SLIT2: variants seen among roughly 807,000 people sequenced by gnomAD.
The protein encoded by SLIT2 is slit guidance ligand 2, also known as slit homolog 2 protein.
A neutral mutation model predicts 185.7 loss-of-function variants in SLIT2; 41 were observed. That is an observed-to-expected ratio of 0.22 (90% CI 0.17 to 0.29). SLIT2 has a LOEUF of 0.29. SLIT2 is among the 10% of genes least tolerant of loss of function. The pLI, the probability that SLIT2 is intolerant of heterozygous loss-of-function variation, is 1.00. For missense variants in SLIT2, 1,571 were observed against 1,909.0 expected (o/e 0.82, Z 3.30); for synonymous variants, 693 against 680.2 (o/e 1.02, Z -0.29).
At chr4:20,322,093 G>T (rs949576485) in intron 4 of SLIT2, among the ~76,000 whole-genome samples, 4 of 152,120 alleles carry the variant, frequency 2.6e-5, no homozygotes, top group African/African-American at 9.7e-5. Flanking sequence ...CTCAGTACAG[G>T]CCAGCCAGAT....
intron 34 of SLIT2, among the ~76,000 whole-genome samples, chr4:20,610,510 T>A (rs1417598445): frequency 1.3e-5 from 2 of 152,290 alleles, no homozygotes; most frequent in East Asian, 3.9e-4. Flanking sequence ...TGGTTAGAGA[T>A]TAAATCATAC....
chr4:20,522,258 T>C (rs1720905990), intron 12 of SLIT2, among the ~76,000 whole-genome samples: 1 of 152,178 alleles, frequency 6.6e-6, no homozygotes, highest in Admixed American at 6.5e-5. Flanking sequence ...AAAACTGTCC[T>C]GTATGTGTTT....
At chr4:20,256,893 T>C (rs1010367230) in intron 2 of SLIT2, 150 bp downstream of exon 2, 3 of 493,136 alleles carry the variant, frequency 6.1e-6, no homozygotes, top group Admixed American at 4.1e-5. Context: ...ATCATTGTAC[T>C]ACAACATTTA....
chr4:20,391,249 A>C (rs190964809), intron 4 of SLIT2, among the ~76,000 whole-genome samples: 3 of 152,204 alleles, frequency 2.0e-5, no homozygotes, highest in South Asian at 2.1e-4. Flanking sequence ...TTAAAAGTGC[A>C]TCAGCCACAA....
chr4:20,495,342 A>G (rs1326018831), intron 9 of SLIT2, among the ~76,000 whole-genome samples: 5 of 152,160 alleles, frequency 3.3e-5, no homozygotes, highest in South Asian at 2.1e-4. Flanking sequence ...TGAGAGTTAT[A>G]TAAGATACAT....
chr4:20,457,884 A>G (rs1417774541), intron 4 of SLIT2, among the ~76,000 whole-genome samples: 10 of 152,178 alleles, frequency 6.6e-5, no homozygotes, highest in Admixed American at 3.9e-4. Flanking sequence ...CAAGGAATAG[A>G]TCGGAGCATT....
chr4:20,439,220 T>G (rs539761229), intron 4 of SLIT2, among the ~76,000 whole-genome samples: 1 of 152,296 alleles, frequency 6.6e-6, no homozygotes, highest in African/African-American at 2.4e-5. Flanking sequence ...CACATAGAGG[T>G]GAAATGCCTT....
intron 21 of SLIT2, 31 bp from the exon 22 acceptor site, chr4:20,546,000 T>G: frequency 7.8e-7 from 1 of 1,282,558 alleles, no homozygotes; most frequent in Non-Finnish European, 1.1e-6. Flanking sequence ...CATTACTTTG[T>G]AAGAAGATAA....
intron 23 of SLIT2, 45 bp from the exon 24 acceptor site, chr4:20,549,012 T>G: frequency 8.6e-7 from 1 of 1,158,526 alleles, no homozygotes; most frequent in Non-Finnish European, 1.3e-6. Context: ...ATTTGGCCAT[T>G]TTTGGATTTC....
At chr4:20,399,906 A>G (rs895689422) in intron 4 of SLIT2, among the ~76,000 whole-genome samples, 5 of 151,886 alleles carry the variant, frequency 3.3e-5, no homozygotes, top group Middle Eastern at 3.4e-3. Flanking sequence ...AGCATTCAGA[A>G]GATGCATCAG....
chr4:20,432,312 G>T (rs989479191), intron 4 of SLIT2, among the ~76,000 whole-genome samples: 1 of 152,114 alleles, frequency 6.6e-6, no homozygotes, highest in African/African-American at 2.4e-5. Flanking sequence ...TGACTAATAG[G>T]ATTAGGGGCG....
chr4:20,518,206 T>C (rs948342889), intron 11 of SLIT2, among the ~76,000 whole-genome samples: 3 of 143,762 alleles, frequency 2.1e-5, no homozygotes, highest in African/African-American at 7.7e-5. Flanking sequence ...CATATACATA[T>C]ATTTATATAT....
intron 1 of SLIT2, chr4:20,255,142 G>C (rs1343376977): frequency 9.2e-6 from 4 of 434,178 alleles, no homozygotes; most frequent in Non-Finnish European, 1.8e-5. Flanking sequence ...TAGGCCGGCA[G>C]GGGCCAGCGC....
intron 4 of SLIT2, among the ~76,000 whole-genome samples, chr4:20,315,905 T>A (rs1718535825): frequency 6.6e-6 from 1 of 152,078 alleles, no homozygotes; most frequent in Non-Finnish European, 1.5e-5. Context: ...TTAATTCATA[T>A]TTATGATATT....
rs181400792 is a variant in SLIT2, at chr4:20,600,150, T to A, written c.3692+1755T>A. ...TCAGAAATTTGTGGTTCATTTTTTT[T>A]AATTTTTTTTTAATTTATTTTATGT... On this transcript the variant is annotated intron_variant, in intron 33 of 36. Transcript: ENST00000504154. Among the ~76,000 whole-genome samples the A allele has an allele frequency of 6.3e-3, 955 of 152,294 alleles. 6 individuals are homozygous for A. The highest frequency in any genetic ancestry group is 9.7e-3 in the Non-Finnish European group (658 of 68,034).
chr4:20,533,830 T>G, intron 18 of SLIT2, 115 bp downstream of exon 18: 8 of 763,126 alleles, frequency 1.0e-5, no homozygotes, highest in Non-Finnish European at 1.7e-5. Context: ...CCTCTATCTC[T>G]TTCACATTCT....
intron 4 of SLIT2, among the ~76,000 whole-genome samples, chr4:20,309,954 G>A (rs1362663944): frequency 6.6e-6 from 1 of 151,632 alleles, no homozygotes; most frequent in Non-Finnish European, 1.5e-5. Context: ...GTAGAGACGG[G>A]GCTTCACCAT....
chr4:20,472,328 ATATATAGATC>A (rs1715272378), intron 5 of SLIT2, among the ~76,000 whole-genome samples: 4 of 94,024 alleles, frequency 4.3e-5, no homozygotes, highest in African/African-American at 1.3e-4. Context: ...ATATATATCT[ATATATAGATC>A]TATATATAGA....
At chr4:20,393,917 T>A (rs1725662542) in intron 4 of SLIT2, among the ~76,000 whole-genome samples, 3 of 152,026 alleles carry the variant, frequency 2.0e-5, no homozygotes, top group Admixed American at 2.0e-4. Context: ...GGCAGCATCT[T>A]TATTGGGATA....
Sources: gnomAD v4.1 joint callset for allele counts (sites outside exome capture counted in the v4.1 genomes callset) on GRCh38, gnomAD v4.1.1 for gene constraint, MANE v1.5 for transcripts, NCBI Gene and HGNC (gene_info 2026-07-23, HGNC 2026-07-21) for gene names.